PLEKHG4B: variants seen among roughly 807,000 people sequenced by gnomAD.
The protein encoded by PLEKHG4B is pleckstrin homology domain-containing family G member 4B.
A neutral mutation model predicts 121.3 loss-of-function variants in PLEKHG4B; 111 were observed. That is an observed-to-expected ratio of 0.92 (90% CI 0.78 to 1.07). The LOEUF is 1.07. Among genes scored for constraint, PLEKHG4B ranks in the 50% least tolerant of loss-of-function variants. PLEKHG4B has a pLI of 0.00. For synonymous variants in PLEKHG4B, 738 were observed against 725.0 expected (o/e 1.02, Z -0.29); for missense variants, 1,831 against 1,757.8 (o/e 1.04, Z -0.74).
chr5:158,510 CCCT>C (rs1379344812), intron 11 of PLEKHG4B, among the ~76,000 whole-genome samples: 1 of 148,972 alleles, frequency 6.7e-6, no homozygotes, highest in Non-Finnish European at 1.5e-5. Context: ...CCCCTATCTC[CCCT>C]CCTCCCTCTG....
chr5:148,050 C>T (rs150323249), intron 6 of PLEKHG4B, among the ~76,000 whole-genome samples: 4 of 151,966 alleles, frequency 2.6e-5, no homozygotes, highest in African/African-American at 9.7e-5. Context: ...TGAAAGCACT[C>T]AATATACTAG....
intron 16 of PLEKHG4B, among the ~76,000 whole-genome samples, chr5:172,450 G>C (rs67733610): frequency 0.11 from 16,616 of 152,300 alleles, 1,107 homozygotes; most frequent in Non-Finnish European, 0.14. Context: ...GGGCTATTTA[G>C]TGAGGGGGAC....
intron 1 of PLEKHG4B, among the ~76,000 whole-genome samples, chr5:104,762 C>T (rs764473748): frequency 2.0e-5 from 3 of 152,218 alleles, no homozygotes; most frequent in Admixed American, 6.5e-5. Context: ...CCACCATTGC[C>T]GCTCAACTCA....
intron 18 of PLEKHG4B, among the ~76,000 whole-genome samples, chr5:178,957 G>T (rs779210978): frequency 6.6e-6 from 1 of 152,098 alleles, no homozygotes; most frequent in East Asian, 1.9e-4. Context: ...TGTTATATTG[G>T]TTTTTTATTT....
At chr5:148,412 A>G (rs76402777) in intron 6 of PLEKHG4B, among the ~76,000 whole-genome samples, 2 of 152,164 alleles carry the variant, frequency 1.3e-5, no homozygotes, top group Non-Finnish European at 2.9e-5. Context: ...CAACACACAA[A>G]TATCAGTCAC....
rs144037663 is a variant in PLEKHG4B, at chr5:126,075, G to C, written c.243+12627G>C. ...CTGGATTATAATGTGTTTTGGTGTGGGTCTCTTTGACTTCCTCTTACTTGG... is the reference window on the plus strand; with the variant it reads ...CTGGATTATAATGTGTTTTGGTGTGCGTCTCTTTGACTTCCTCTTACTTGG... On this transcript the variant is annotated intron_variant, in intron 2 of 19. Coordinates refer to ENST00000637938, the MANE Select transcript of PLEKHG4B (RefSeq NM_052909.5). Among the ~76,000 whole-genome samples the C allele has an allele frequency of 1.2e-3, 178 of 152,154 alleles. 1 individual carries two copies. The highest frequency in any genetic ancestry group is 1.9e-3 in the Non-Finnish European group (131 of 67,998).
At position 140,375 on chromosome 5, in the gene PLEKHG4B, G is replaced by A. The variant is rs1256051412; in HGVS notation, c.1136G>A (p.Ser379Asn). The A allele has an allele frequency of 1.3e-6, 2 of 1,551,680 alleles. No individual in the cohort carries two copies. Among genetic ancestry groups the A allele is most frequent in the Admixed American group, 2.0e-5 (1 of 51,054 alleles). Reference protein sequence around the residue: ...SEEALGDLACSSLTGASRDLG... With the variant: ...SEEALGDLACNSLTGASRDLG... ...GAGGCCCTCGGGGACCTGGCCTGCA[G>A]CTCCCTGACTGGAGCCAGCAGGGAC... The change falls in exon 3 of 20, where the codon AGC (serine) becomes AAC (asparagine). Residue 379 changes from serine to asparagine, a missense_variant. Physicochemically the swap from Ser to Asn is conservative, Grantham distance 46. Transcript: ENST00000637938.
intron 1 of PLEKHG4B, among the ~76,000 whole-genome samples, chr5:95,311 C>T (rs1351645937): frequency 6.6e-6 from 1 of 152,036 alleles, no homozygotes; most frequent in East Asian, 1.9e-4. Flanking sequence ...GCTGAGCCTG[C>T]CCACATCCAC....
At chr5:147,629 A>G (rs952986908) in intron 6 of PLEKHG4B, among the ~76,000 whole-genome samples, 1 of 152,232 alleles carries the variant, frequency 6.6e-6, no homozygotes, top group Non-Finnish European at 1.5e-5. Context: ...AGGTAGATAC[A>G]GTGTGAAGTG....
At chr5:119,189 T>A (rs924611389) in intron 2 of PLEKHG4B, among the ~76,000 whole-genome samples, 3 of 152,146 alleles carry the variant, frequency 2.0e-5, no homozygotes, top group African/African-American at 7.2e-5. Flanking sequence ...CTTACTAGGA[T>A]TGACCATTGT....
chr5:98,837 CTTTTTTTTTTTT>C (rs925964165), intron 1 of PLEKHG4B, among the ~76,000 whole-genome samples: 3 of 79,298 alleles, frequency 3.8e-5, no homozygotes, highest in African/African-American at 1.6e-4. Flanking sequence ...TTGAATTTTC[CTTTTTTTTTTTT>C]TTTTTTTCAA....
chr5:175,590 C>T (rs1979275), intron 18 of PLEKHG4B, among the ~76,000 whole-genome samples: 11,710 of 144,464 alleles, frequency 0.081, 527 homozygotes, highest in African/African-American at 0.22. Flanking sequence ...GGCTCCTGCA[C>T]GGCTGCACCC....
intron 6 of PLEKHG4B, among the ~76,000 whole-genome samples, chr5:151,107 A>C (rs539613543): frequency 6.6e-6 from 1 of 152,340 alleles, no homozygotes; most frequent in African/African-American, 2.4e-5. Context: ...ATGTCTAGAA[A>C]AGGCAAGTCG....
intron 1 of PLEKHG4B, among the ~76,000 whole-genome samples, chr5:108,594 C>A (rs940961378): frequency 6.9e-6 from 1 of 144,852 alleles, no homozygotes; most frequent in Admixed American, 7.0e-5. Context: ...GTGCAGATGG[C>A]TGGTGTAGAC....
rs759349214 is a variant in PLEKHG4B, at chr5:169,374, G to A, written c.3511G>A (p.Ala1171Thr). The A allele has an allele frequency of 2.9e-5, 47 of 1,613,924 alleles. No individual in the cohort carries two copies. Among genetic ancestry groups the A allele is most frequent in the Non-Finnish European group, 3.7e-5 (44 of 1,180,040 alleles). The change falls in exon 14 of 20, where the codon GCC becomes ACC. Residue 1171 changes from alanine (A) to threonine (T), a missense_variant. By Grantham distance (58) the Ala-to-Thr change is moderately conservative (BLOSUM62 0). Transcript: ENST00000637938. ...RLRHIMAEMI[A>T]TEREYIRCLG... ...GAGGCACATCATGGCCGAGATGATC[G>A]CCACAGAGAGGGAGTACATTCGGTG... is the stretch of plus-strand genomic sequence containing the variant.
chr5:164,565 AG>A (rs759346973), intron 13 of PLEKHG4B, among the ~76,000 whole-genome samples: 1 of 34,088 alleles, frequency 2.9e-5, no homozygotes, highest in Non-Finnish European at 6.1e-5. Context: ...ATGCTCTGAC[AG>A]GGGGCGGAGC....
chr5:160,499 G>A (rs904607734), intron 11 of PLEKHG4B, among the ~76,000 whole-genome samples: 13 of 152,110 alleles, frequency 8.5e-5, no homozygotes, highest in African/African-American at 9.7e-5. Flanking sequence ...TTTTCTATGC[G>A]ACAGCTGGAC....
intron 18 of PLEKHG4B, among the ~76,000 whole-genome samples, chr5:177,092 C>CT (rs1160282068): frequency 2.0e-5 from 3 of 152,212 alleles, no homozygotes; most frequent in African/African-American, 7.2e-5. Context: ...AATTGATTAT[C>CT]TACACACTTA....
chr5:107,547 G>T lies in PLEKHG4B; in HGVS notation c.46-5704G>T, dbSNP rs140615686. Reference sequence around the variant, plus strand: ...CAGCGAGACCTTCTTACCCTCAGGTGCTGCTCAGATGCCTCTTCTTCCGGG... The same window carrying T: ...CAGCGAGACCTTCTTACCCTCAGGTTCTGCTCAGATGCCTCTTCTTCCGGG... On this transcript the variant is annotated intron_variant, in intron 1 of 19. Transcript: ENST00000637938. Among the ~76,000 whole-genome samples, 1,205 of 152,356 alleles carry T rather than the reference G, an allele frequency of 7.9e-3. 9 individuals are homozygous for T. The highest frequency in any genetic ancestry group is 0.011 in the Non-Finnish European group (737 of 68,032).
Sources: allele counts gnomAD v4.1 joint callset (sites outside exome capture counted in the v4.1 genomes callset), GRCh38; gene constraint gnomAD v4.1.1; transcripts MANE v1.5; gene names NCBI Gene and HGNC (gene_info 2026-07-23, HGNC 2026-07-21).